NID1: variants seen among roughly 807,000 people sequenced by gnomAD.
NID1 encodes the protein nidogen 1.
A neutral mutation model predicts 130.6 loss-of-function variants in NID1; 76 were observed. The ratio of observed to expected loss-of-function variants is 0.58; its 90% CI spans 0.48 to 0.70. The LOEUF is 0.70. NID1 is among the 30% of genes least tolerant of loss of function. The pLI, the probability that NID1 is intolerant of heterozygous loss-of-function variation, is 0.00. For missense variants in NID1, 1,517 were observed against 1,664.8 expected (o/e 0.91, Z 1.54); for synonymous variants, 665 against 675.1 (o/e 0.98, Z 0.23).
At chr1:236,020,536 G>C (rs1658730973) in intron 9 of NID1, among the ~76,000 whole-genome samples, 1 of 152,188 alleles carries the variant, frequency 6.6e-6, no homozygotes, top group African/African-American at 2.4e-5. Flanking sequence ...ACAGAGCTCT[G>C]TGAAATCGTC....
At chr1:235,984,706 A>C (rs1378991430) in intron 15 of NID1, among the ~76,000 whole-genome samples, 1 of 152,246 alleles carries the variant, frequency 6.6e-6, no homozygotes, top group Admixed American at 6.5e-5. Context: ...CCATTTCAGC[A>C]CAGTGGAATT....
chr1:236,063,324 T>C (rs1660094311), intron 1 of NID1, among the ~76,000 whole-genome samples: 1 of 151,332 alleles, frequency 6.6e-6, no homozygotes, highest in South Asian at 2.1e-4. Context: ...ATACAAAAAT[T>C]AGCCAAGTGT....
chr1:235,979,171 A>G lies in NID1; in HGVS notation c.3510-64T>C, dbSNP rs1657357743. The G allele has an allele frequency of 1.6e-5, 17 of 1,032,862 alleles. No homozygotes were observed. In the Admixed American group the frequency reaches 2.9e-4, roughly 18 times the overall value. The allele number at this position is 1,032,862 out of a possible 1,614,324, so 64.0% of individuals were successfully genotyped here. A position where few individuals can be genotyped will look rare whatever the true frequency, so the allele number is the denominator to read the frequency against. ...GATGGCTTGAACTTGTATCTAAACA[A>G]GGCAGCCTCTTTGTCATTTTGAGGA... On this transcript the variant is annotated intron_variant, in intron 18 of 19. Transcript: ENST00000264187. The surrounding 1 kb of genome is among the most constrained non-coding windows in gnomAD (Gnocchi z 4.6).
intron 14 of NID1, 83 bp from the exon 15 acceptor site, chr1:235,985,588 G>T: frequency 2.0e-6 from 3 of 1,478,966 alleles, no homozygotes; most frequent in South Asian, 1.2e-5. Context: ...ACAGGCATTT[G>T]GATATCTTTT....
At chr1:236,009,887 A>G (rs1374208712) in intron 12 of NID1, among the ~76,000 whole-genome samples, 2 of 152,220 alleles carry the variant, frequency 1.3e-5, no homozygotes, top group African/African-American at 4.8e-5. Context: ...ACAAGATCCA[A>G]TATCTAAACA....
At chr1:236,054,210 T>C (rs1659836341) in intron 1 of NID1, among the ~76,000 whole-genome samples, 1 of 152,122 alleles carries the variant, frequency 6.6e-6, no homozygotes, top group South Asian at 2.1e-4. Context: ...AATCCCAGTA[T>C]TTTGGGAGGC....
rs749173192 is a variant in NID1 at position 236,026,090 on chromosome 1, T to G, written c.1790A>C (p.Asp597Ala). Residue 597 changes from aspartate to alanine, a missense_variant, in exon 8 of 20, where the codon GAT (aspartate) becomes GCT (alanine). This residue lies in a region of NID1 where 1,329 missense variants were observed against 1,429.2 expected (regional missense o/e 0.93). Transcript: ENST00000264187. Reference sequence around the variant, plus strand: ...GTAGATGCGTGAAGGAGATGCCCCATCTCGCTCGGGCTCAGTCACCGTGTA... The same window carrying G: ...GTAGATGCGTGAAGGAGATGCCCCAGCTCGCTCGGGCTCAGTCACCGTGTA... ...REYTVTEPER[D>A]GASPSRIYTY... 1.9e-6 allele frequency: 3 copies of G among 1,613,820 alleles called. No individual in the cohort carries two copies. In the South Asian group the frequency reaches 3.3e-5, roughly 18 times the overall value.
chr1:235,999,732 G>C (rs771951349), intron 12 of NID1, among the ~76,000 whole-genome samples: 8 of 152,142 alleles, frequency 5.3e-5, no homozygotes, highest in Non-Finnish European at 7.4e-5. Context: ...GGGGGACAAA[G>C]AGAATGAGAG....
At chr1:236,011,795 G>A (rs1658432636) in intron 12 of NID1, 126 bp downstream of exon 12, 1 of 1,375,494 alleles carries the variant, frequency 7.3e-7, no homozygotes, top group Admixed American at 1.8e-5. Flanking sequence ...CGGGCCATGT[G>A]CTCTGGATTC....
intron 11 of NID1, 90 bp downstream of exon 11, chr1:236,013,321 T>C (rs1658486559): frequency 7.2e-7 from 1 of 1,382,242 alleles, no homozygotes; most frequent in Non-Finnish European, 1.0e-6. Flanking sequence ...TTCTTCTATT[T>C]GGGAGTGAGT....
chr1:235,977,298 G>A lies in NID1; in HGVS notation c.*569C>T, dbSNP rs1293202217. ...GCAGCGCATGAATATTATAATGGGGGTCTTAGACAAGATGATGATGGTGAG... is the reference window on the plus strand; with the variant it reads ...GCAGCGCATGAATATTATAATGGGGATCTTAGACAAGATGATGATGGTGAG... On this transcript the variant is annotated 3_prime_UTR_variant, in exon 20 of 20. Transcript: ENST00000264187. 1 of 153,020 alleles carries A rather than the reference G, an allele frequency of 6.5e-6. No individual in the cohort carries two copies. The highest frequency in any genetic ancestry group is 2.4e-5 in the African/African-American group (1 of 41,422). The allele number at this position is 153,020 out of a possible 1,614,324, so 9.5% of individuals were successfully genotyped here. A position where few individuals can be genotyped will look rare whatever the true frequency, so the allele number is the denominator to read the frequency against.
chr1:236,009,843 C>T (rs962256729), intron 12 of NID1, among the ~76,000 whole-genome samples: 2 of 152,122 alleles, frequency 1.3e-5, no homozygotes, highest in African/African-American at 4.8e-5. Flanking sequence ...ACACTCTCTC[C>T]AGTATATAAC....
intron 1 of NID1, among the ~76,000 whole-genome samples, chr1:236,056,177 C>A (rs1410273826): frequency 6.6e-6 from 1 of 152,142 alleles, no homozygotes; most frequent in Non-Finnish European, 1.5e-5. Flanking sequence ...AAACCTGAAA[C>A]TATAAAACTC....
intron 4 of NID1, among the ~76,000 whole-genome samples, chr1:236,040,106 T>C (rs74627877): frequency 0.011 from 1,682 of 152,224 alleles, 38 homozygotes; most frequent in African/African-American, 0.037. Context: ...TGTGATGGCT[T>C]CACAAATGAG....
At chr1:236,036,117 G>A (rs950836511) in intron 5 of NID1, among the ~76,000 whole-genome samples, 5 of 152,154 alleles carry the variant, frequency 3.3e-5, no homozygotes, top group African/African-American at 1.2e-4. Context: ...AGGCTAAGAG[G>A]TTGCTCTTTA....
rs11808599 is a variant in NID1, at chr1:236,060,163, A to G, written c.225+4692T>C. 5.9e-3 allele frequency among the ~76,000 whole-genome samples: 897 copies of G among 151,906 alleles called. 10 individuals are homozygous for G. Among genetic ancestry groups the G allele is most frequent in the African/African-American group, 0.02 (836 of 41,446 alleles). On this transcript the variant is annotated intron_variant, in intron 1 of 19. Transcript: ENST00000264187. ...CAGAGCAGCCCCAAGGGCTGCTAGT[A>G]GCCCATTTTCATGGCTATTTCTTGA...
At chr1:236,044,680 T>G (rs1483799114) in intron 3 of NID1, among the ~76,000 whole-genome samples, 2 of 152,246 alleles carry the variant, frequency 1.3e-5, no homozygotes, top group African/African-American at 2.4e-5. Context: ...GATTCACTCT[T>G]GGTTTTTAAA....
At chr1:236,063,692 C>T (rs1302375089) in intron 1 of NID1, among the ~76,000 whole-genome samples, 1 of 152,020 alleles carries the variant, frequency 6.6e-6, no homozygotes, top group Non-Finnish European at 1.5e-5. Context: ...GAGGCTGAGG[C>T]CAGAGGACAG....
intron 9 of NID1, among the ~76,000 whole-genome samples, chr1:236,021,495 C>T (rs181092322): frequency 3.7e-4 from 57 of 152,286 alleles, no homozygotes; most frequent in African/African-American, 1.3e-3. Flanking sequence ...ACCGCGAGGC[C>T]CTGACAGCAG....
Sources: allele counts gnomAD v4.1 joint callset (sites outside exome capture counted in the v4.1 genomes callset), GRCh38; gene constraint gnomAD v4.1.1; regional missense constraint gnomAD v4.1.1; non-coding constraint Gnocchi (gnomAD v3.1); transcripts MANE v1.5; gene names NCBI Gene and HGNC (gene_info 2026-07-23, HGNC 2026-07-21).